TMEM117: variants seen among roughly 807,000 people sequenced by gnomAD.
TMEM117 encodes the protein transmembrane protein 117.
In TMEM117, 27 loss-of-function variants were observed where a neutral mutation model predicts 52.4. The ratio of observed to expected loss-of-function variants is 0.51; its 90% CI spans 0.38 to 0.71. The LOEUF is 0.71. Among genes scored for constraint, TMEM117 ranks in the 30% least tolerant of loss-of-function variants. The pLI is 0.00. For missense variants in TMEM117, 556 were observed against 630.5 expected (o/e 0.88, Z 1.26); for synonymous variants, 215 against 206.3 (o/e 1.04, Z -0.36).
At chr12:44,363,041 G>T (rs916399309) in intron 6 of TMEM117, among the ~76,000 whole-genome samples, 1 of 151,828 alleles carries the variant, frequency 6.6e-6, no homozygotes, top group African/African-American at 2.4e-5. Context: ...AGACACAAAC[G>T]AAACAATGGT....
At chr12:44,191,822 A>G (rs1949358760) in intron 4 of TMEM117, among the ~76,000 whole-genome samples, 1 of 152,308 alleles carries the variant, frequency 6.6e-6, no homozygotes, top group South Asian at 2.1e-4. Flanking sequence ...ATTGTTTTAA[A>G]TTGAATTGAA....
At chr12:43,942,457 C>T (rs1945058773) in intron 2 of TMEM117, among the ~76,000 whole-genome samples, 1 of 152,080 alleles carries the variant, frequency 6.6e-6, no homozygotes, top group African/African-American at 2.4e-5. Context: ...TTTCTATGAT[C>T]TTATAATTTG....
chr12:44,103,824 T>C (rs921963529), intron 3 of TMEM117, among the ~76,000 whole-genome samples: 1 of 152,104 alleles, frequency 6.6e-6, no homozygotes, highest in Non-Finnish European at 1.5e-5. Flanking sequence ...ATCTCATCTT[T>C]GACTTTTTAT....
At chr12:43,888,411 T>C (rs1944037336) in intron 2 of TMEM117, among the ~76,000 whole-genome samples, 1 of 152,152 alleles carries the variant, frequency 6.6e-6, no homozygotes, top group African/African-American at 2.4e-5. Flanking sequence ...TTAGTAGGGG[T>C]TTGCATCATC....
intron 4 of TMEM117, among the ~76,000 whole-genome samples, chr12:44,187,485 G>A (rs1188865574): frequency 6.6e-6 from 1 of 152,224 alleles, no homozygotes; most frequent in South Asian, 2.1e-4. Context: ...TGGGACAACA[G>A]CTATATATTT....
Position 43,916,423 on chromosome 12 carries a change from A to G in TMEM117, c.278-27787A>G, listed in dbSNP as rs549351283. On this transcript the variant is annotated intron_variant, in intron 2 of 7. Coordinates refer to ENST00000266534, the MANE Select transcript of TMEM117 (RefSeq NM_032256.3). ...TTTCTTATGGATATATGTTTATAAA[A>G]CATGAATTTATTCTGTGTATTCAAT... Among the ~76,000 whole-genome samples, 44 of 152,312 alleles carry G rather than the reference A, an allele frequency of 2.9e-4. No homozygotes were observed. The South Asian group carries it at 3.3e-3, about 11-fold the overall frequency.
chr12:44,076,893 A>G (rs991164304), intron 3 of TMEM117, among the ~76,000 whole-genome samples: 10 of 152,188 alleles, frequency 6.6e-5, no homozygotes, highest in Non-Finnish European at 1.2e-4. Context: ...ACAGGCCTTA[A>G]ACTATTGATT....
chr12:44,353,203 G>A (rs1322063703), intron 6 of TMEM117, among the ~76,000 whole-genome samples: 2 of 152,002 alleles, frequency 1.3e-5, no homozygotes, highest in Non-Finnish European at 2.9e-5. Flanking sequence ...TTAGCCCTTT[G>A]TCAGATGAGT....
chr12:43,980,922 A>G (rs574871872), intron 3 of TMEM117, among the ~76,000 whole-genome samples: 144 of 152,336 alleles, frequency 9.5e-4, no homozygotes, highest in African/African-American at 3.4e-3. Flanking sequence ...CTCCCTGAGT[A>G]GAGAGCAGTC....
At chr12:44,014,729 A>G (rs1246683787) in intron 3 of TMEM117, among the ~76,000 whole-genome samples, 1 of 151,706 alleles carries the variant, frequency 6.6e-6, no homozygotes, top group Non-Finnish European at 1.5e-5. Flanking sequence ...GGTTACTGCT[A>G]TTTTTTCCCC....
At chr12:44,221,706 C>CT (rs1199665157) in intron 5 of TMEM117, among the ~76,000 whole-genome samples, 28 of 148,578 alleles carry the variant, frequency 1.9e-4, no homozygotes, top group Admixed American at 8.1e-4. Context: ...CTCCCTCTTT[C>CT]TTTTTTTTTT....
chr12:44,214,454 C>A (rs531804463), intron 5 of TMEM117, among the ~76,000 whole-genome samples: 60 of 152,226 alleles, frequency 3.9e-4, no homozygotes, highest in Non-Finnish European at 7.4e-4. Flanking sequence ...AGGTGTGAGC[C>A]ACCACACCCG....
chr12:44,066,877 T>C (rs1947228754), intron 3 of TMEM117, among the ~76,000 whole-genome samples: 1 of 152,220 alleles, frequency 6.6e-6, no homozygotes, highest in African/African-American at 2.4e-5. Context: ...GACTTCTCTG[T>C]AGCATGTGAT....
At chr12:44,355,108 A>G (rs1951628686) in intron 6 of TMEM117, among the ~76,000 whole-genome samples, 1 of 152,076 alleles carries the variant, frequency 6.6e-6, no homozygotes, top group Non-Finnish European at 1.5e-5. Flanking sequence ...TAAGGTAGCT[A>G]AACTTTCATG....
At chr12:44,033,132 T>C (rs750215156) in intron 3 of TMEM117, among the ~76,000 whole-genome samples, 4 of 152,020 alleles carry the variant, frequency 2.6e-5, no homozygotes, top group Non-Finnish European at 5.9e-5. Context: ...GTGACGAGAG[T>C]GACCCTCTGG....
At chr12:43,885,851 A>G (rs916797548) in intron 2 of TMEM117, among the ~76,000 whole-genome samples, 7 of 152,208 alleles carry the variant, frequency 4.6e-5, no homozygotes, top group African/African-American at 1.7e-4. Context: ...TGGTTACACA[A>G]GAGATTAATT....
intron 5 of TMEM117, among the ~76,000 whole-genome samples, chr12:44,253,920 T>G (rs1481319021): frequency 2.0e-5 from 3 of 147,470 alleles, no homozygotes; most frequent in East Asian, 4.0e-4. Context: ...CAGAGAACAT[T>G]TCTATCCTCA....
At chr12:44,030,698 T>C (rs987194857) in intron 3 of TMEM117, among the ~76,000 whole-genome samples, 1 of 152,224 alleles carries the variant, frequency 6.6e-6, no homozygotes, top group Admixed American at 6.5e-5. Context: ...GTGGCAGTTA[T>C]TTATATCCTA....
chr12:44,191,953 A>C (rs144104424), intron 4 of TMEM117, among the ~76,000 whole-genome samples: 140 of 152,310 alleles, frequency 9.2e-4, no homozygotes, highest in African/African-American at 3.0e-3. Context: ...TGTAAATCCT[A>C]TGAGCAAATG....
Sources: gnomAD v4.1 joint callset for allele counts (sites outside exome capture counted in the v4.1 genomes callset) on GRCh38, gnomAD v4.1.1 for gene constraint, MANE v1.5 for transcripts, NCBI Gene and HGNC (gene_info 2026-07-23, HGNC 2026-07-21) for gene names.